The following CRTC3 variants were observed in gnomAD, a reference collection of about 807,000 sequenced individuals.
CRTC3 encodes CREB regulated transcription coactivator 3.
Under a neutral mutation model 74.5 loss-of-function variants are expected in CRTC3, and 26 were observed. The observed-to-expected ratio is 0.35, with a 90% CI of 0.26 to 0.48. The LOEUF (loss-of-function observed/expected upper bound fraction) is 0.48. Among genes scored for constraint, CRTC3 ranks in the 20% least tolerant of loss-of-function variants. The pLI, the probability that CRTC3 is intolerant of heterozygous loss-of-function variation, is 0.99. For synonymous variants in CRTC3, 377 were observed against 325.8 expected, an observed-to-expected ratio of 1.16 and a Z score of -1.69; for missense variants, 760 against 787.3, an observed-to-expected ratio of 0.97 and a Z score of 0.41.
At chr15:90,535,930 A>G (rs1966711884) in intron 1 of CRTC3, among the ~76,000 whole-genome samples, 1 of 152,170 alleles carries the variant, frequency 6.6e-6, no homozygotes, top group African/African-American at 2.4e-5. Context: ...CAGGGTTTGA[A>G]TCTAGCTATC....
intron 2 of CRTC3, among the ~76,000 whole-genome samples, chr15:90,573,933 T>G (rs1179743854): frequency 1.3e-5 from 2 of 152,224 alleles, no homozygotes; most frequent in Admixed American, 6.5e-5. Context: ...GAATATATAG[T>G]CCACCTCATG....
chr15:90,566,905 T>C (rs1967136055), intron 2 of CRTC3, among the ~76,000 whole-genome samples: 2 of 151,808 alleles, frequency 1.3e-5, no homozygotes, highest in East Asian at 3.9e-4. Flanking sequence ...GAGACAGGGT[T>C]TCACTATGTT....
chr15:90,640,321 G>A (rs1277331225), intron 13 of CRTC3, among the ~76,000 whole-genome samples: 1 of 152,162 alleles, frequency 6.6e-6, no homozygotes, highest in Non-Finnish European at 1.5e-5. Flanking sequence ...TTTCTCATAG[G>A]GAGGAGCTTG....
chr15:90,539,103 C>G (rs1296711888), intron 1 of CRTC3, among the ~76,000 whole-genome samples: 2 of 152,180 alleles, frequency 1.3e-5, no homozygotes, highest in Admixed American at 1.3e-4. Context: ...GGGTAAAAAT[C>G]TGCCCCAGGG....
At chr15:90,638,114 A>G (rs373959158) in intron 11 of CRTC3, 3 of 283,820 alleles carry the variant, frequency 1.1e-5, no homozygotes, top group East Asian at 7.5e-5. Flanking sequence ...GCCTTTTTCA[A>G]TTTTCCACTT....
intron 2 of CRTC3, 87 bp downstream of exon 2, chr15:90,540,224 A>G: frequency 2.2e-6 from 2 of 920,314 alleles, no homozygotes; most frequent in South Asian, 1.5e-5. Flanking sequence ...ATCTTGAAGG[A>G]TAAGCTGGGC....
At chr15:90,544,328 A>G (rs899195098) in intron 2 of CRTC3, among the ~76,000 whole-genome samples, 1 of 152,198 alleles carries the variant, frequency 6.6e-6, no homozygotes, top group Non-Finnish European at 1.5e-5. Context: ...TTTAGGGCCT[A>G]CCCTAATTCA....
At chr15:90,588,437 C>T (rs1164472316) in intron 2 of CRTC3, among the ~76,000 whole-genome samples, 2 of 150,584 alleles carry the variant, frequency 1.3e-5, no homozygotes, top group African/African-American at 5.0e-5. Flanking sequence ...CTACGTCTCT[C>T]CTCTGTGTAT....
intron 3 of CRTC3, chr15:90,597,746 AT>A (rs1967963516): frequency 6.6e-6 from 1 of 152,202 alleles, no homozygotes; most frequent in East Asian, 1.9e-4. Flanking sequence ...ACAAGGAAAC[AT>A]TGGTCTTTAG....
chr15:90,590,097 T>G (rs28695674), intron 2 of CRTC3, among the ~76,000 whole-genome samples: 211 of 151,654 alleles, frequency 1.4e-3, no homozygotes, highest in African/African-American at 4.8e-3. Context: ...TCGAGACCAG[T>G]CTGGCCAACA....
At chr15:90,570,114 T>C (rs1261663360) in intron 2 of CRTC3, among the ~76,000 whole-genome samples, 1 of 152,150 alleles carries the variant, frequency 6.6e-6, no homozygotes, top group Admixed American at 6.5e-5. Context: ...GTATATGAAG[T>C]TTTCACACAG....
At chr15:90,626,186 G>T (rs1282441420) in intron 10 of CRTC3, among the ~76,000 whole-genome samples, 193 bp downstream of exon 10, 1 of 152,126 alleles carries the variant, frequency 6.6e-6, no homozygotes, top group African/African-American at 2.4e-5. Flanking sequence ...GATGAATTTG[G>T]GGCAGCTCTG....
chr15:90,587,821 C>T (rs1280778257), intron 2 of CRTC3, among the ~76,000 whole-genome samples: 4 of 151,948 alleles, frequency 2.6e-5, no homozygotes, highest in Non-Finnish European at 5.9e-5. Flanking sequence ...GCCATATTGC[C>T]AAGGCTGGTC....
chr15:90,597,192 G>C (rs1967949127), intron 3 of CRTC3, among the ~76,000 whole-genome samples: 1 of 152,278 alleles, frequency 6.6e-6, no homozygotes, highest in African/African-American at 2.4e-5. Context: ...ACTTGGAAGA[G>C]AAGCTCTTCT....
At chr15:90,556,001 C>G (rs1567164519) in intron 2 of CRTC3, among the ~76,000 whole-genome samples, 4 of 151,988 alleles carry the variant, frequency 2.6e-5, no homozygotes. Flanking sequence ...TTTTCATCAA[C>G]TAGAGATTAC....
rs151174348 is a variant in CRTC3, at chr15:90,629,091, A to G, written c.968-143A>G. The G allele has an allele frequency of 8.0e-4, 563 of 701,750 alleles. 2 individuals are homozygous for G. In the African/African-American group the frequency reaches 9.2e-3, roughly 11 times the overall value. The allele number at this position is 701,750 out of a possible 1,614,324, so 43.5% of individuals were successfully genotyped here. On this transcript the variant is annotated intron_variant, in intron 10 of 14. Coordinates refer to ENST00000268184, the MANE Select transcript of CRTC3 (RefSeq NM_022769.5). ...TCCTTGCCATTGGTGCATCGGATGC[A>G]GTCCCTGTAGGAGAGCTGTCCAGGA...
chr15:90,614,637 A>G lies in CRTC3; in HGVS notation c.613+149A>G, dbSNP rs28609832. ...TTGGCTTACTTTTCAGAGAGCCTCT[A>G]GAAAATTAAGGCTAGCCATGTTCAG... On this transcript the variant is annotated intron_variant, in intron 7 of 14. Coordinates refer to ENST00000268184, the MANE Select transcript of CRTC3 (RefSeq NM_022769.5). 3,478 of 562,336 alleles carry G rather than the reference A, an allele frequency of 6.2e-3. 92 individuals are homozygous for G. Among genetic ancestry groups the G allele is most frequent in the African/African-American group, 0.059 (3,055 of 51,498 alleles). The allele number at this position is 562,336 out of a possible 1,614,324, so 34.8% of individuals were successfully genotyped here.
chr15:90,552,064 C>G (rs1184909028), intron 2 of CRTC3, among the ~76,000 whole-genome samples: 5 of 152,238 alleles, frequency 3.3e-5, no homozygotes, highest in South Asian at 2.1e-4. Flanking sequence ...AACTACTTTT[C>G]TTTTTCACTC....
rs1034439345 is a variant in CRTC3 at position 90,634,923 on chromosome 15, G to T, written c.1267-3523G>T. On this transcript the variant is annotated intron_variant, in intron 11 of 14. Coordinates refer to ENST00000268184, the MANE Select transcript of CRTC3 (RefSeq NM_022769.5). Reference sequence around the variant, plus strand: ...AGAGATTCAACCAGTTAGCGTGAAAGTTGGAGATAAAGTTCTTCTCCCAGA... The same window carrying T: ...AGAGATTCAACCAGTTAGCGTGAAATTTGGAGATAAAGTTCTTCTCCCAGA... 16 of 1,577,252 alleles carry T rather than the reference G, an allele frequency of 1.0e-5. 1 individual carries two copies. The highest frequency in any genetic ancestry group is 1.7e-4 in the Middle Eastern group (1 of 6,006).
Sources: allele counts gnomAD v4.1 joint callset (sites outside exome capture counted in the v4.1 genomes callset), GRCh38; gene constraint gnomAD v4.1.1; transcripts MANE v1.5; gene names NCBI Gene and HGNC (gene_info 2026-07-23, HGNC 2026-07-21).